EIF2B3: variants seen among roughly 807,000 people sequenced by gnomAD.
The protein encoded by EIF2B3 is eukaryotic translation initiation factor 2B subunit gamma.
A neutral mutation model predicts 54.1 loss-of-function variants in EIF2B3; 20 were observed. That is an observed-to-expected ratio of 0.37 (90% CI 0.26 to 0.54). The LOEUF is 0.54. Ranked by LOEUF, EIF2B3 falls within the 20% of genes least tolerant of loss-of-function variation. The pLI is 0.86. For synonymous variants in EIF2B3, 153 were observed against 188.1 expected (o/e 0.81, Z 1.52); for missense variants, 448 against 547.8 (o/e 0.82, Z 1.82).
chr1:44,922,352 C>G (rs189706268), intron 5 of EIF2B3, among the ~76,000 whole-genome samples: 1 of 150,932 alleles, frequency 6.6e-6, no homozygotes, highest in Admixed American at 6.6e-5. Flanking sequence ...TTTGGGAGGC[C>G]GAGGCGGGAG....
intron 10 of EIF2B3, among the ~76,000 whole-genome samples, chr1:44,870,469 C>A (rs757207900): frequency 6.6e-6 from 1 of 152,170 alleles, no homozygotes; most frequent in Admixed American, 6.6e-5. Context: ...CTCTCCCTTA[C>A]CCCACATGTC....
At chr1:44,972,141 C>T (rs138058506) in intron 3 of EIF2B3, among the ~76,000 whole-genome samples, 1,844 of 152,054 alleles carry the variant, frequency 0.012, 40 homozygotes, top group African/African-American at 0.043. Context: ...GTAATCCCAG[C>T]ACTTTGGGAG....
chr1:44,944,097 T>C (rs1418920637), intron 3 of EIF2B3, among the ~76,000 whole-genome samples: 1 of 151,700 alleles, frequency 6.6e-6, no homozygotes, highest in African/African-American at 2.4e-5. Context: ...TGGGCCGAGA[T>C]AGCACCACTG....
chr1:44,984,797 C>CTTTTTTTTTTTTTTTTTTTTTTTT (rs71040529), intron 1 of EIF2B3, among the ~76,000 whole-genome samples: 5 of 88,536 alleles, frequency 5.6e-5, no homozygotes, highest in African/African-American at 2.2e-4. Context: ...TAATGTCCAT[C>CTTTTTTTTTTTTTTTTTTTTTTTT]TTTTTTTTTT....
At chr1:44,874,361 A>T (rs1158827726) in intron 10 of EIF2B3, among the ~76,000 whole-genome samples, 2 of 152,186 alleles carry the variant, frequency 1.3e-5, no homozygotes, top group African/African-American at 2.4e-5. Flanking sequence ...TGGATTAACT[A>T]ATCCCTTTAT....
At chr1:44,853,290 A>T (rs1172825232) in intron 11 of EIF2B3, among the ~76,000 whole-genome samples, 2 of 151,950 alleles carry the variant, frequency 1.3e-5, no homozygotes, top group African/African-American at 4.8e-5. Context: ...TGATTCAGTA[A>T]GTTGGAGGAA....
intron 11 of EIF2B3, among the ~76,000 whole-genome samples, chr1:44,853,160 AAAACTTT>A (rs1654327927): frequency 6.6e-6 from 1 of 152,172 alleles, no homozygotes; most frequent in African/African-American, 2.4e-5. Flanking sequence ...AGAGCTATAG[AAAACTTT>A]CAAGGAAAAA....
intron 3 of EIF2B3, among the ~76,000 whole-genome samples, chr1:44,949,737 C>T (rs1031937662): frequency 6.6e-6 from 1 of 152,122 alleles, no homozygotes; most frequent in African/African-American, 2.4e-5. Flanking sequence ...CTGGAGGGCA[C>T]GGCTGAAGAA....
intron 5 of EIF2B3, among the ~76,000 whole-genome samples, chr1:44,912,175 G>A (rs1356690297): frequency 6.6e-6 from 1 of 152,108 alleles, no homozygotes; most frequent in Non-Finnish European, 1.5e-5. Context: ...TTAATGTCTA[G>A]GGCTGCTATC....
rs528914123 is a variant in EIF2B3, at chr1:44,895,240, C to T, written c.656+2115G>A. 1.8e-4 allele frequency among the ~76,000 whole-genome samples: 27 copies of T among 152,204 alleles called. No individual in the cohort carries two copies. In the South Asian group the frequency reaches 5.2e-3, roughly 29 times the overall value. Reference sequence around the variant, plus strand: ...AGTCCCATTTGGCAGAGCTTCTGGCCAGGACCTATAGCCATATCACAAACT... The same window carrying T: ...AGTCCCATTTGGCAGAGCTTCTGGCTAGGACCTATAGCCATATCACAAACT... On this transcript the variant is annotated intron_variant, in intron 6 of 11. Transcript: ENST00000360403.
At chr1:44,946,324 C>T (rs893145319) in intron 3 of EIF2B3, among the ~76,000 whole-genome samples, 1 of 152,188 alleles carries the variant, frequency 6.6e-6, no homozygotes, top group Non-Finnish European at 1.5e-5. Context: ...CACATCTCAT[C>T]CTCTGTGCAA....
intron 1 of EIF2B3, among the ~76,000 whole-genome samples, chr1:44,983,696 ACT>A (rs36113027): frequency 0.31 from 46,879 of 151,456 alleles, 8,075 homozygotes; most frequent in African/African-American, 0.45. Context: ...ACTTGGTGAA[ACT>A]CTGTCTCTAC....
intron 8 of EIF2B3, among the ~76,000 whole-genome samples, chr1:44,877,793 T>A (rs1321924023): frequency 6.6e-6 from 1 of 152,116 alleles, no homozygotes; most frequent in Non-Finnish European, 1.5e-5. Context: ...AGAATGCTGG[T>A]CAGAGCACTG....
At chr1:44,885,821 G>A (rs1179537173) in intron 6 of EIF2B3, among the ~76,000 whole-genome samples, 4 of 151,154 alleles carry the variant, frequency 2.6e-5, no homozygotes, top group African/African-American at 4.9e-5. Flanking sequence ...TGCAACCTCC[G>A]CCTCCCAGGT....
At chr1:44,926,599 T>C (rs770951184) in intron 5 of EIF2B3, 29 bp downstream of exon 5, 22 of 1,576,050 alleles carry the variant, frequency 1.4e-5, no homozygotes, top group Middle Eastern at 1.7e-4. Flanking sequence ...ACAAGGAGAA[T>C]TGCCAGAAGA....
intron 6 of EIF2B3, among the ~76,000 whole-genome samples, chr1:44,884,394 C>T (rs1280152917): frequency 1.3e-5 from 2 of 152,108 alleles, no homozygotes; most frequent in South Asian, 2.1e-4. Flanking sequence ...TGACACAAAA[C>T]CAAACAGATG....
intron 2 of EIF2B3, among the ~76,000 whole-genome samples, chr1:44,979,474 C>CAAAA (rs34452633): frequency 1.8e-5 from 1 of 56,016 alleles, no homozygotes; most frequent in Non-Finnish European, 3.4e-5. Flanking sequence ...CTGTCTCTGC[C>CAAAA]AAAAAAAAAA....
intron 3 of EIF2B3, among the ~76,000 whole-genome samples, chr1:44,962,098 A>G (rs1644290477): frequency 6.6e-6 from 1 of 152,174 alleles, no homozygotes; most frequent in Non-Finnish European, 1.5e-5. Flanking sequence ...AGGCTGAGAC[A>G]GGAGAATCAC....
chr1:44,880,134 T>C, intron 7 of EIF2B3, 126 bp from the exon 8 acceptor site: 2 of 1,031,094 alleles, frequency 1.9e-6, no homozygotes, highest in Non-Finnish European at 2.9e-6. Context: ...TAGGCTGGTC[T>C]CAAACTCCCA....
Sources: allele counts gnomAD v4.1 joint callset (sites outside exome capture counted in the v4.1 genomes callset), GRCh38; gene constraint gnomAD v4.1.1; transcripts MANE v1.5; gene names NCBI Gene and HGNC (gene_info 2026-07-23, HGNC 2026-07-21).